The following MOB3A variants were observed in gnomAD, a reference collection of about 807,000 sequenced individuals.
The protein encoded by MOB3A is MOB kinase activator 3A, also known as MOB LAK.
In MOB3A, 17 loss-of-function variants were observed where a neutral mutation model predicts 17.8. The ratio of observed to expected loss-of-function variants is 0.95; its 90% CI spans 0.65 to 1.43. The LOEUF is 1.43. Among genes scored for constraint, MOB3A ranks in the 40% most tolerant of loss-of-function variants. MOB3A has a pLI of 0.00. For synonymous variants in MOB3A, 124 were observed against 133.2 expected (o/e 0.93, Z 0.48); for missense variants, 333 against 310.8 (o/e 1.07, Z -0.54).
intron 4 of MOB3A, among the ~76,000 whole-genome samples, chr19:2,074,272 C>T (rs1016843215): frequency 6.6e-6 from 1 of 151,876 alleles, no homozygotes; most frequent in African/African-American, 2.4e-5. Context: ...ACAAAAAAAC[C>T]CCAGAAACTT....
At chr19:2,089,329 C>G (rs1166765994) in intron 1 of MOB3A, among the ~76,000 whole-genome samples, 4 of 152,190 alleles carry the variant, frequency 2.6e-5, no homozygotes, top group African/African-American at 9.7e-5. Context: ...AACTCAGATC[C>G]TTCAATTCTG....
intron 1 of MOB3A, among the ~76,000 whole-genome samples, chr19:2,086,750 C>G (rs1278302445): frequency 6.6e-6 from 1 of 152,176 alleles, no homozygotes; most frequent in African/African-American, 2.4e-5. Flanking sequence ...CCTGATCACC[C>G]AGGCGTGCAT....
intron 1 of MOB3A, among the ~76,000 whole-genome samples, chr19:2,094,038 GTTCT>G (rs1316668217): frequency 7.8e-5 from 11 of 140,128 alleles, no homozygotes; most frequent in African/African-American, 2.6e-4. Flanking sequence ...CCCTATGTAA[GTTCT>G]TTTTTTTTTT....
chr19:2,085,780 T>C (rs148349089), intron 1 of MOB3A: 1 of 151,708 alleles, frequency 6.6e-6, no homozygotes, highest in Non-Finnish European at 1.5e-5. Flanking sequence ...CCTGGCTAAC[T>C]CGGTGAAACT....
intron 1 of MOB3A, among the ~76,000 whole-genome samples, chr19:2,087,108 G>A (rs755126494): frequency 1.3e-5 from 2 of 152,184 alleles, no homozygotes; most frequent in South Asian, 4.1e-4. Context: ...GACTTCTCTC[G>A]TGGGAAAGCA....
At chr19:2,080,000 G>A (rs780857115) in intron 2 of MOB3A, among the ~76,000 whole-genome samples, 7 of 152,218 alleles carry the variant, frequency 4.6e-5, no homozygotes, top group East Asian at 1.9e-4. Flanking sequence ...CGCACAGGGC[G>A]GAGGGGCGAC....
chr19:2,088,918 A>G (rs1042172228), intron 1 of MOB3A, among the ~76,000 whole-genome samples: 7 of 152,118 alleles, frequency 4.6e-5, no homozygotes, highest in African/African-American at 1.7e-4. Context: ...TCCCTCTTTA[A>G]TGAGTAATTT....
chr19:2,090,105 T>C (rs1392957222), intron 1 of MOB3A: 1 of 152,244 alleles, frequency 6.6e-6, no homozygotes, highest in Non-Finnish European at 1.5e-5. Flanking sequence ...CAAGTCCGCA[T>C]CCCCAGAGCT....
At position 2,073,258 on chromosome 19, in the gene MOB3A, A is replaced by G; in HGVS notation, c.*137T>C. 1 of 1,096,254 alleles carries G rather than the reference A, an allele frequency of 9.1e-7. No individual in the cohort carries two copies. The highest frequency in any genetic ancestry group is 1.4e-6 in the Non-Finnish European group (1 of 737,664). 67.9% of individuals were successfully genotyped at this position (1,096,254 alleles called of 1,614,324 possible). On this transcript the variant is annotated 3_prime_UTR_variant, in exon 5 of 5. Transcript: ENST00000357066. ...GGGGTTGGAGCTCCTGAGGACCAAC[A>G]CCTGCTCAGCGGCTCGGCCCCTGGT...
In MOB3A at chr19:2,078,170, T is replaced by C. The variant is rs1241350038; in HGVS notation, c.391A>G (p.Asn131Asp). ...TTGGTGGGGAAGAGGTCCTCGTTGT[T>C]GATCTGCGCCTCGATCCAGTCCATC... ...LLMDWIEAQI[N>D]NEDLFPTNVG... The change falls in exon 3 of 5, where the codon AAC becomes GAC. Residue 131 changes from asparagine (N) to aspartate (D), a missense_variant. Coordinates refer to ENST00000357066, the MANE Select transcript of MOB3A (RefSeq NM_130807.3). The C allele has an allele frequency of 6.3e-7, 1 of 1,589,736 alleles. No individual in the cohort carries two copies. Among genetic ancestry groups the C allele is most frequent in the East Asian group, 2.3e-5 (1 of 44,352 alleles).
Position 2,082,638 on chromosome 19 carries a change from C to CG in MOB3A, c.-120+2536dup, listed in dbSNP as rs1278105373. ...AGCAACTCTCAGGGATGCAGGCAGC[C>CG]GTCTGATCACAAGCCTAGTGACACA... On this transcript the variant is annotated intron_variant, in intron 2 of 4. Coordinates refer to ENST00000357066, the MANE Select transcript of MOB3A (RefSeq NM_130807.3). This position sits in a 1 kb window ranked among gnomAD's most constrained non-coding sequence, Gnocchi z 4.1. Among the ~76,000 whole-genome samples, 1 of 152,184 alleles carries CG rather than the reference C, an allele frequency of 6.6e-6. No homozygotes were observed. Among genetic ancestry groups the CG allele is most frequent in the African/African-American group, 2.4e-5 (1 of 41,444 alleles).
At position 2,094,815 on chromosome 19, in the gene MOB3A, T is replaced by G. The variant is rs118160400; in HGVS notation, c.-274+1411A>C. On this transcript the variant is annotated intron_variant, in intron 1 of 4. Transcript: ENST00000357066. ...TCTGCTTTGAATACGGGCAGTTTATTGCATGTCAATTAAACCCGTATAAAC... is the reference window on the plus strand; with the variant it reads ...TCTGCTTTGAATACGGGCAGTTTATGGCATGTCAATTAAACCCGTATAAAC... 4.5e-3 allele frequency among the ~76,000 whole-genome samples: 683 copies of G among 152,364 alleles called. 2 individuals carry two copies. Among genetic ancestry groups the G allele is most frequent in the Non-Finnish European group, 7.7e-3 (524 of 68,036 alleles).
intron 3 of MOB3A, 126 bp from the exon 4 acceptor site, chr19:2,077,139 G>A (rs532557628): frequency 2.6e-6 from 2 of 775,148 alleles, no homozygotes; most frequent in South Asian, 1.6e-5. Context: ...GGTGGCTGAC[G>A]CCTGTAATCC....
intron 4 of MOB3A, 102 bp from the exon 5 acceptor site, chr19:2,073,526 G>A (rs1401151812): frequency 2.0e-6 from 3 of 1,512,500 alleles, no homozygotes; most frequent in East Asian, 4.5e-5. Context: ...AACGGCAGCT[G>A]GGGGCTTCCC....
chr19:2,081,057 G>A (rs148748114), intron 2 of MOB3A, among the ~76,000 whole-genome samples: 8 of 152,126 alleles, frequency 5.3e-5, no homozygotes, highest in African/African-American at 1.4e-4. Flanking sequence ...GTTTGAGCCC[G>A]GGAGTTCGAG....
intron 4 of MOB3A, among the ~76,000 whole-genome samples, chr19:2,075,031 TC>T (rs1489503160): frequency 2.0e-5 from 3 of 150,812 alleles, no homozygotes; most frequent in African/African-American, 7.3e-5. Flanking sequence ...TCTTTTCTTT[TC>T]TTTTTTTTTT....
chr19:2,081,317 G>C (rs1178325701), intron 2 of MOB3A, among the ~76,000 whole-genome samples: 1 of 152,230 alleles, frequency 6.6e-6, no homozygotes, highest in Non-Finnish European at 1.5e-5. Context: ...GCCGGGCGTG[G>C]TGGCTCACGC....
Position 2,077,014 on chromosome 19 carries a change from C to A in MOB3A, c.422-1G>T. ...AGGAAGTTCTTGGGAAACGGAGTGCCTGCAGGGAGAGGGGTGGGACGGGTC... is the reference window on the plus strand; with the variant it reads ...AGGAAGTTCTTGGGAAACGGAGTGCATGCAGGGAGAGGGGTGGGACGGGTC... On this transcript the variant is annotated splice_acceptor_variant, in intron 3 of 4. Transcript: ENST00000357066. LOFTEE classifies it high-confidence loss of function. 1 of 1,612,370 alleles carries A rather than the reference C, an allele frequency of 6.2e-7. No homozygotes were observed. The highest frequency in any genetic ancestry group is 8.5e-7 in the Non-Finnish European group (1 of 1,179,564).
At chr19:2,079,524 C>T (rs903348708) in intron 2 of MOB3A, among the ~76,000 whole-genome samples, 8 of 152,192 alleles carry the variant, frequency 5.3e-5, no homozygotes, top group African/African-American at 1.7e-4. Context: ...GCTGCTTCCA[C>T]AAGCGAAGGG....
Sources: allele counts gnomAD v4.1 joint callset (sites outside exome capture counted in the v4.1 genomes callset), GRCh38; gene constraint gnomAD v4.1.1; non-coding constraint Gnocchi (gnomAD v3.1); transcripts MANE v1.5; gene names NCBI Gene and HGNC (gene_info 2026-07-23, HGNC 2026-07-21).